Variants in PSD3 observed in about 807,000 individuals in gnomAD.
PSD3 encodes pleckstrin and Sec7 domain containing 3, also known as PH and SEC7 domain-containing protein 3.
A neutral mutation model predicts 105.5 loss-of-function variants in PSD3; 49 were observed. The observed-to-expected ratio is 0.46, with a 90% CI of 0.37 to 0.59. The LOEUF (loss-of-function observed/expected upper bound fraction) is 0.59. Ranked by LOEUF, PSD3 falls within the 20% of genes least tolerant of loss-of-function variation. PSD3 has a pLI of 0.00. For synonymous variants in PSD3, 557 were observed against 457.8 expected (o/e 1.22, Z -2.77); for missense variants, 1,561 against 1,263.8 (o/e 1.24, Z -3.57).
At chr8:19,001,498 G>C (rs1295456757) in intron 1 of PSD3, 1 of 151,828 alleles carries the variant, frequency 6.6e-6, no homozygotes, top group Non-Finnish European at 1.5e-5. Flanking sequence ...TTAGACCTTA[G>C]TTCCAGCGTC....
At chr8:18,628,293 T>C (rs73585836) in intron 11 of PSD3, among the ~76,000 whole-genome samples, 7,916 of 151,684 alleles carry the variant, frequency 0.052, 207 homozygotes, top group African/African-American at 0.075. Flanking sequence ...CATAATAAAA[T>C]TGATGAAAAC....
intron 1 of PSD3, among the ~76,000 whole-genome samples, chr8:18,963,650 C>G (rs1824065245): frequency 6.6e-6 from 1 of 152,024 alleles, no homozygotes; most frequent in African/African-American, 2.4e-5. Flanking sequence ...ACAACGCTAG[C>G]TGGGAGAAAA....
intron 1 of PSD3, among the ~76,000 whole-genome samples, chr8:18,966,972 A>G (rs1824297160): frequency 6.6e-6 from 1 of 152,116 alleles, no homozygotes; most frequent in African/African-American, 2.4e-5. Context: ...TTCAGGGAAA[A>G]CATGTCCAAA....
intron 2 of PSD3, among the ~76,000 whole-genome samples, chr8:18,874,661 C>T (rs1817613249): frequency 7.0e-6 from 1 of 143,014 alleles, no homozygotes; most frequent in South Asian, 2.2e-4. Flanking sequence ...CGAGATTGCA[C>T]CATTGTAGTC....
intron 1 of PSD3, among the ~76,000 whole-genome samples, chr8:19,065,907 AC>A (rs1829059573): frequency 6.6e-6 from 1 of 152,160 alleles, no homozygotes; most frequent in South Asian, 2.1e-4. Flanking sequence ...CTTTCTGGTG[AC>A]CGCCTCCAAT....
At chr8:19,067,412 G>C (rs568314239) in intron 1 of PSD3, among the ~76,000 whole-genome samples, 1 of 152,156 alleles carries the variant, frequency 6.6e-6, no homozygotes, top group Non-Finnish European at 1.5e-5. Flanking sequence ...TGCACCAAGA[G>C]TCATTGCATT....
intron 1 of PSD3, among the ~76,000 whole-genome samples, chr8:18,999,343 G>A (rs1826247844): frequency 6.6e-6 from 1 of 151,830 alleles, no homozygotes; most frequent in Non-Finnish European, 1.5e-5. Flanking sequence ...CTCACAGCTG[G>A]TGACAGATAA....
intron 2 of PSD3, among the ~76,000 whole-genome samples, chr8:18,900,550 AG>A (rs1419228095): frequency 2.0e-5 from 3 of 151,504 alleles, no homozygotes; most frequent in African/African-American, 4.9e-5. Context: ...CAGCATCACT[AG>A]TGGTACTTTG....
chr8:19,036,858 G>T (rs374117888), intron 1 of PSD3, among the ~76,000 whole-genome samples: 2 of 152,046 alleles, frequency 1.3e-5, no homozygotes, highest in East Asian at 3.9e-4. Context: ...ACTCATCTAG[G>T]GCCAGAAGAG....
At chr8:18,572,834 T>A (rs1802225568) in intron 13 of PSD3, among the ~76,000 whole-genome samples, 162 bp from the exon 14 acceptor site, 1 of 152,212 alleles carries the variant, frequency 6.6e-6, no homozygotes, top group Non-Finnish European at 1.5e-5. Context: ...AACATTGTCA[T>A]TCGACGATCA....
At position 18,817,032 on chromosome 8, in the gene PSD3, C is replaced by T. The variant is rs531846472; in HGVS notation, c.1635-12134G>A. ...CATTTCAAACAAATGCAGGCCTGGGCAAGATGGCGTTTGGTAAGTTTTAAG... is the reference window on the plus strand; with the variant it reads ...CATTTCAAACAAATGCAGGCCTGGGTAAGATGGCGTTTGGTAAGTTTTAAG... On this transcript the variant is annotated intron_variant, in intron 4 of 15. Coordinates refer to ENST00000327040, the MANE Select transcript of PSD3 (RefSeq NM_015310.4). 1.1e-4 allele frequency among the ~76,000 whole-genome samples: 17 copies of T among 152,218 alleles called. No homozygotes were observed. In the South Asian group the frequency reaches 3.5e-3, roughly 32 times the overall value.
At chr8:18,582,446 T>TC (rs1254984467) in intron 12 of PSD3, among the ~76,000 whole-genome samples, 2 of 152,140 alleles carry the variant, frequency 1.3e-5, no homozygotes, top group Non-Finnish European at 2.9e-5. Context: ...CACAGGCTCC[T>TC]CCTCCTTTCT....
intron 4 of PSD3, among the ~76,000 whole-genome samples, chr8:18,812,375 G>C (rs1811772678): frequency 6.6e-6 from 1 of 152,198 alleles, no homozygotes; most frequent in African/African-American, 2.4e-5. Flanking sequence ...TTTACTCCTA[G>C]TGAAATGGTT....
chr8:18,895,188 T>C (rs6989662), intron 2 of PSD3, among the ~76,000 whole-genome samples: 5,217 of 152,286 alleles, frequency 0.034, 267 homozygotes, highest in African/African-American at 0.12. Context: ...CCCTGGAAAG[T>C]TGGGCATATC....
At chr8:18,557,806 C>T (rs889079200) in intron 14 of PSD3, among the ~76,000 whole-genome samples, 41 of 152,170 alleles carry the variant, frequency 2.7e-4, no homozygotes, top group African/African-American at 8.4e-4. Flanking sequence ...CTTCAGGTAG[C>T]TTTTATTTAC....
At chr8:18,586,745 C>G (rs1018688511) in intron 12 of PSD3, among the ~76,000 whole-genome samples, 1 of 152,130 alleles carries the variant, frequency 6.6e-6, no homozygotes, top group Non-Finnish European at 1.5e-5. Flanking sequence ...GTACTACCCC[C>G]CTCATTTATC....
In PSD3 at chr8:18,755,916, A is replaced by C. The variant is rs574639001; in HGVS notation, c.2172+9533T>G. 1.1e-4 allele frequency among the ~76,000 whole-genome samples: 17 copies of C among 152,298 alleles called. No homozygotes were observed. The East Asian group carries it at 3.3e-3, about 29-fold the overall frequency. ...TGATGAGCACGTGATCGAAAGCGAAAGCAGGCTGCCAGACCTCCACGGGGA... is the reference window on the plus strand; with the variant it reads ...TGATGAGCACGTGATCGAAAGCGAACGCAGGCTGCCAGACCTCCACGGGGA... On this transcript the variant is annotated intron_variant, in intron 9 of 15. Transcript: ENST00000327040.
At chr8:19,048,125 C>T (rs1343726246) in intron 1 of PSD3, among the ~76,000 whole-genome samples, 1 of 152,174 alleles carries the variant, frequency 6.6e-6, no homozygotes, top group African/African-American at 2.4e-5. Flanking sequence ...AAGCCTCTGC[C>T]ACAGTTGGCA....
chr8:18,667,626 G>T (rs1184816304), intron 9 of PSD3, among the ~76,000 whole-genome samples: 2 of 152,228 alleles, frequency 1.3e-5, no homozygotes, highest in Non-Finnish European at 1.5e-5. Context: ...TCACCCAGTG[G>T]ATCCTGAACC....
Sources: gnomAD v4.1 joint callset for allele counts (sites outside exome capture counted in the v4.1 genomes callset) on GRCh38, gnomAD v4.1.1 for gene constraint, MANE v1.5 for transcripts, NCBI Gene and HGNC (gene_info 2026-07-23, HGNC 2026-07-21) for gene names.